GCN1: variants seen among roughly 807,000 people sequenced by gnomAD.
GCN1 encodes stalled ribosome sensor GCN1.
Under a neutral mutation model 288.4 loss-of-function variants are expected in GCN1, and 90 were observed. That is an observed-to-expected ratio of 0.31 (90% confidence interval 0.26 to 0.37). GCN1 has a LOEUF of 0.37. GCN1 is among the 10% of genes least tolerant of loss of function. The pLI is 1.00. For synonymous variants in GCN1, 1,386 were observed against 1,420.2 expected (o/e 0.98, Z 0.54); for missense variants, 2,586 against 3,419.9 (o/e 0.76, Z 6.08).
intron 53 of GCN1, among the ~76,000 whole-genome samples, chr12:120,133,074 G>A (rs1475978636): frequency 6.6e-6 from 1 of 152,258 alleles, no homozygotes; most frequent in Non-Finnish European, 1.5e-5. Context: ...AGACTTTCCT[G>A]TCTGTCCCCA....
At chr12:120,131,432 G>T in intron 54 of GCN1, 99 bp from the exon 55 acceptor site, 1 of 1,172,344 alleles carries the variant, frequency 8.5e-7, no homozygotes, top group Non-Finnish European at 1.2e-6. Context: ...CCAGTGTGCT[G>T]ACCCAGAGCA....
intron 53 of GCN1, among the ~76,000 whole-genome samples, chr12:120,133,740 G>A (rs1876905284): frequency 6.6e-6 from 1 of 152,238 alleles, no homozygotes; most frequent in Admixed American, 6.5e-5. Context: ...TGAGAGGTCT[G>A]GGTCTCTACA....
chr12:120,167,488 G>C (rs1317916220), intron 16 of GCN1, among the ~76,000 whole-genome samples: 1 of 151,882 alleles, frequency 6.6e-6, no homozygotes, highest in East Asian at 1.9e-4. Context: ...AACATATACA[G>C]GTATTTACTT....
rs781782447 is a variant in GCN1 at position 120,184,240 on chromosome 12, A to G, written c.189T>C (p.Asp63=). 5 of 1,612,494 alleles carry G rather than the reference A, an allele frequency of 3.1e-6. No homozygotes were observed. In the Admixed American group the frequency reaches 8.4e-5, roughly 27 times the overall value. The change falls in exon 4 of 58, where the codon GAT becomes GAC. Residue 63 remains aspartate, a synonymous_variant. Transcript: ENST00000300648. Reference sequence around the variant, plus strand: ...CCTGCAAGGCCCTGCGGGAGGCTGCATCTCTAGGGGGAGAGGCAAAGGAAA... The same window carrying G: ...CCTGCAAGGCCCTGCGGGAGGCTGCGTCTCTAGGGGGAGAGGCAAAGGAAA... The part of the protein sequence containing the change: ...LFCLTLHRYR[D]AASRRALQAA...
chr12:120,174,727 G>T (rs1354481646), intron 12 of GCN1, among the ~76,000 whole-genome samples: 2 of 147,260 alleles, frequency 1.4e-5, no homozygotes, highest in Non-Finnish European at 3.0e-5. Context: ...GGAGGCAGAG[G>T]TTGCAGTGAG....
At chr12:120,179,712 A>AT (rs1436562402) in intron 5 of GCN1, among the ~76,000 whole-genome samples, 1 of 151,134 alleles carries the variant, frequency 6.6e-6, no homozygotes, top group African/African-American at 2.4e-5. Flanking sequence ...CCCTGCTTTC[A>AT]TGTACCTTAG....
intron 33 of GCN1, among the ~76,000 whole-genome samples, chr12:120,152,412 A>AC (rs1566305185): frequency 1.0e-3 from 111 of 106,146 alleles, no homozygotes; most frequent in Non-Finnish European, 1.7e-3. Context: ...CACACACACA[A>AC]AATATATATA....
intron 37 of GCN1, among the ~76,000 whole-genome samples, chr12:120,147,762 G>A (rs910179908): frequency 3.3e-5 from 5 of 152,198 alleles, no homozygotes; most frequent in Non-Finnish European, 5.9e-5. Context: ...AAGGTGGCTG[G>A]CTGGGTTTTG....
intron 46 of GCN1, 80 bp from the exon 47 acceptor site, chr12:120,138,495 C>T: frequency 9.5e-7 from 1 of 1,054,282 alleles, no homozygotes; most frequent in Non-Finnish European, 1.5e-6. Flanking sequence ...TCCTTCTCCA[C>T]TTGTTTCCCT....
intron 4 of GCN1, 102 bp from the exon 5 acceptor site, chr12:120,183,779 C>T (rs1878739983): frequency 2.8e-6 from 2 of 720,390 alleles, no homozygotes; most frequent in South Asian, 3.0e-5. Flanking sequence ...CCTCCCTTCA[C>T]CTCATGGAAC....
Position 120,145,199 on chromosome 12 carries a change from G to C in GCN1, c.5016+63C>G. ...CAAAAGCAGCTTTGGGGAATTCTCA[G>C]GAATCCATTTATGGGGACTGGATGA... is the stretch of plus-strand genomic sequence containing the variant. On this transcript the variant is annotated intron_variant, in intron 39 of 57. Transcript: ENST00000300648. 4 of 1,552,512 alleles carry C rather than the reference G, an allele frequency of 2.6e-6. No individual in the cohort carries two copies. In the South Asian group the frequency reaches 4.6e-5, roughly 18 times the overall value.
chr12:120,163,138 T>A lies in GCN1; in HGVS notation c.1970A>T (p.Lys657Met). The A allele has an allele frequency of 1.2e-6, 2 of 1,614,200 alleles. No homozygotes were observed. Among genetic ancestry groups the A allele is most frequent in the Non-Finnish European group, 8.5e-7 (1 of 1,180,030 alleles). Residue 657 changes from lysine to methionine, a missense_variant, in exon 19 of 58, where the codon AAG (lysine) becomes ATG (methionine). Lys to Met is a moderately conservative substitution (Grantham distance 95). Transcript: ENST00000300648. Reference protein sequence around the residue: ...LCVISGVPGLKGDVTDTEQLA... With the variant: ...LCVISGVPGLMGDVTDTEQLA... ...TTGTTCAGTGTCGGTGACATCACCC[T>A]TGAGCCCTGGCACACCGGAGATGAC...
intron 2 of GCN1, among the ~76,000 whole-genome samples, chr12:120,189,872 G>C (rs1036993173): frequency 1.3e-5 from 2 of 152,122 alleles, no homozygotes; most frequent in African/African-American, 4.8e-5. Context: ...CCAGCTACTG[G>C]AGAGGCTAAG....
chr12:120,156,435 C>T lies in GCN1; in HGVS notation c.3312+26G>A, dbSNP rs1877749181. 2 of 1,609,172 alleles carry T rather than the reference C, an allele frequency of 1.2e-6. No individual in the cohort carries two copies. Among genetic ancestry groups the T allele is most frequent in the East Asian group, 2.2e-5 (1 of 44,824 alleles). ...TTGCATAGAGTGACAAGGGACACTG[C>T]AGTGGCTCTGAGACTGAGCACACAC... On this transcript the variant is annotated intron_variant, in intron 28 of 57. Coordinates refer to ENST00000300648, the MANE Select transcript of GCN1 (RefSeq NM_006836.2). The surrounding 1 kb of genome is among the most constrained non-coding windows in gnomAD (Gnocchi z 5.8).
chr12:120,131,969 CA>C lies in GCN1; in HGVS notation c.7370del (p.Leu2457Ter), dbSNP rs778235951. The C allele has an allele frequency of 1.2e-6, 2 of 1,605,810 alleles. No homozygotes were observed. The highest frequency in any genetic ancestry group is 1.7e-5 in the Admixed American group (1 of 59,052). On this transcript the variant is annotated frameshift_variant, in exon 54 of 58. Coordinates refer to ENST00000300648, the MANE Select transcript of GCN1 (RefSeq NM_006836.2). LOFTEE classifies it high-confidence loss of function. ...AGCLGELCAFLTEEELSAVLQ... is the reference protein window; with the variant it reads ...AGCLGELCAFXTEEELSAVLQ... ...GAACGGCACTAAGCTCCTCTTCAGT[CA>C]AAAAGGCACACAGTTCCCCTAGGCA...
Position 120,142,919 on chromosome 12 carries a change from C to T in GCN1, c.5518G>A (p.Gly1840Arg), listed in dbSNP as rs1193974246. Residue 1840 changes from glycine to arginine, a missense_variant, in exon 43 of 58, where the codon GGG (glycine) becomes AGG (arginine). Physicochemically the swap from Gly to Arg is moderately radical, Grantham distance 125. Transcript: ENST00000300648. This position sits in a 1 kb window ranked among gnomAD's most constrained non-coding sequence, Gnocchi z 4.9. ...RIRFSSVQLL[G>R]DLLFHISGVT... ...CCTGAGATGTGAAACAGGAGATCCC[C>T]AAGGAGCTGAACAGAGCTGAACCTG... The T allele has an allele frequency of 6.2e-7, 1 of 1,612,340 alleles. No homozygotes were observed. Among genetic ancestry groups the T allele is most frequent in the Non-Finnish European group, 8.5e-7 (1 of 1,178,526 alleles).
chr12:120,140,845 TG>T lies in GCN1; in HGVS notation c.5994+13del, dbSNP rs1289499009. 2 of 1,611,522 alleles carry T rather than the reference TG, an allele frequency of 1.2e-6. No homozygotes were observed. The highest frequency in any genetic ancestry group is 1.7e-6 in the Non-Finnish European group (2 of 1,178,648). ...TGCAGTGCACAGCTGGCGGGATCCT[TG>T]GAAGATACTCACGGCATCCCGGCTG... On this transcript the variant is annotated intron_variant, in intron 45 of 57. Transcript: ENST00000300648.
chr12:120,138,252 G>C, intron 47 of GCN1, 71 bp downstream of exon 47: 1 of 1,049,072 alleles, frequency 9.5e-7, no homozygotes, highest in Admixed American at 1.7e-5. Flanking sequence ...TTCAGAACTG[G>C]TCTTCACTGC....
intron 51 of GCN1, among the ~76,000 whole-genome samples, chr12:120,135,359 G>GTT (rs1217687637): frequency 1.3e-5 from 2 of 151,930 alleles, no homozygotes; most frequent in Non-Finnish European, 2.9e-5. Flanking sequence ...TTTACTTACT[G>GTT]TTTTTTGTTT....
Sources: allele counts gnomAD v4.1 joint callset (sites outside exome capture counted in the v4.1 genomes callset), GRCh38; gene constraint gnomAD v4.1.1; non-coding constraint Gnocchi (gnomAD v3.1); transcripts MANE v1.5; gene names NCBI Gene and HGNC (gene_info 2026-07-23, HGNC 2026-07-21).